SLC39A8: variants seen among roughly 807,000 people sequenced by gnomAD.
SLC39A8 encodes solute carrier family 39 member 8, also known as metal cation symporter ZIP8.
Under a neutral mutation model 40.4 loss-of-function variants are expected in SLC39A8, and 15 were observed. The observed-to-expected ratio is 0.37, with a 90% CI of 0.25 to 0.57. The LOEUF (loss-of-function observed/expected upper bound fraction) is 0.57. Ranked by LOEUF, SLC39A8 falls within the 20% of genes least tolerant of loss-of-function variation. The pLI, the probability that SLC39A8 is intolerant of heterozygous loss-of-function variation, is 0.75. For missense variants in SLC39A8, 472 were observed against 558.8 expected, an observed-to-expected ratio of 0.84 and a Z score of 1.57; for synonymous variants, 223 against 221.6, an observed-to-expected ratio of 1.01 and a Z score of -0.06.
chr4:102,301,528 T>C (rs1202286673), intron 6 of SLC39A8, among the ~76,000 whole-genome samples: 1 of 152,078 alleles, frequency 6.6e-6, no homozygotes, highest in Non-Finnish European at 1.5e-5. Context: ...TATGTTTCCA[T>C]TGAATAAACT....
chr4:102,311,174 A>G (rs888056837), intron 3 of SLC39A8, among the ~76,000 whole-genome samples: 1 of 152,092 alleles, frequency 6.6e-6, no homozygotes, highest in African/African-American at 2.4e-5. Flanking sequence ...CTGGCATCAT[A>G]GGTTGGTTCC....
intron 6 of SLC39A8, among the ~76,000 whole-genome samples, chr4:102,269,169 A>G (rs1732238259): frequency 6.6e-6 from 1 of 152,200 alleles, no homozygotes; most frequent in Non-Finnish European, 1.5e-5. Flanking sequence ...CATTAAAAAA[A>G]AAACATGCAA....
chr4:102,267,677 A>G lies in SLC39A8; in HGVS notation c.1049-3T>C. The G allele has an allele frequency of 6.5e-7, 1 of 1,530,552 alleles. No homozygotes were observed. Among genetic ancestry groups the G allele is most frequent in the Non-Finnish European group, 8.6e-7 (1 of 1,156,070 alleles). The allele number at this position is 1,530,552 out of a possible 1,614,324, so 94.8% of individuals were successfully genotyped here. A position where few individuals can be genotyped will look rare whatever the true frequency, so the allele number is the denominator to read the frequency against. ...ATTGAGTAGGATCACAAAGTCTCCT[A>G]GAAGAAGAAGAAGAAAATATCAAGT... is the stretch of plus-strand genomic sequence containing the variant. On this transcript the variant is annotated splice_polypyrimidine_tract_variant and splice_region_variant and intron_variant, in intron 7 of 8. Coordinates refer to ENST00000356736, the MANE Select transcript of SLC39A8 (RefSeq NM_001135146.2).
downstream of SLC39A8, among the ~76,000 whole-genome samples, chr4:102,257,247 C>T (rs539600235): frequency 2.0e-4 from 31 of 151,820 alleles, no homozygotes; most frequent in African/African-American, 7.2e-4. Context: ...CTCTGCCTCC[C>T]GGGTTCAATT....
chr4:102,277,463 C>T (rs1732672960), intron 6 of SLC39A8, among the ~76,000 whole-genome samples: 1 of 152,110 alleles, frequency 6.6e-6, no homozygotes, highest in South Asian at 2.1e-4. Context: ...AGGAGAACTA[C>T]AAACCACTGC....
At chr4:102,320,189 ATG>A (rs1222613802) in intron 2 of SLC39A8, among the ~76,000 whole-genome samples, 12 of 85,050 alleles carry the variant, frequency 1.4e-4, no homozygotes, top group Non-Finnish European at 1.6e-4. Flanking sequence ...ATATATATAT[ATG>A]TATATATATA....
At chr4:102,278,336 C>G (rs1732714924) in intron 6 of SLC39A8, among the ~76,000 whole-genome samples, 1 of 152,128 alleles carries the variant, frequency 6.6e-6, no homozygotes, top group Non-Finnish European at 1.5e-5. Context: ...AGAATATGAA[C>G]AGACACTTTT....
chr4:102,329,027 C>CAAA (rs35230164), intron 2 of SLC39A8, among the ~76,000 whole-genome samples: 2 of 95,544 alleles, frequency 2.1e-5, no homozygotes, highest in Non-Finnish European at 4.1e-5. Context: ...GACTGAATCT[C>CAAA]AAAAAAAAAA....
intron 2 of SLC39A8, among the ~76,000 whole-genome samples, chr4:102,326,366 C>A (rs1735202160): frequency 6.6e-6 from 1 of 152,132 alleles, no homozygotes; most frequent in African/African-American, 2.4e-5. Flanking sequence ...TCGAGACCAT[C>A]CTGGCTAACA....
exon 12 of SLC39A8, chr4:102,251,360 G>A (rs1731581518): frequency 6.6e-6 from 1 of 152,210 alleles, no homozygotes; most frequent in Non-Finnish European, 1.5e-5. Flanking sequence ...TTAGCAGCTG[G>A]GATGTCCAGG....
chr4:102,259,085 C>T (rs1731779200), downstream of SLC39A8, among the ~76,000 whole-genome samples: 1 of 152,220 alleles, frequency 6.6e-6, no homozygotes, highest in South Asian at 2.1e-4. Context: ...ACAGACACCA[C>T]CCGCAGTGTC....
At chr4:102,281,239 A>G (rs757614861) in intron 6 of SLC39A8, among the ~76,000 whole-genome samples, 9 of 152,224 alleles carry the variant, frequency 5.9e-5, no homozygotes, top group Non-Finnish European at 1.3e-4. Context: ...TGTAAGTTGG[A>G]GAAATCAGTT....
intron 6 of SLC39A8, among the ~76,000 whole-genome samples, chr4:102,303,625 T>C (rs1260373876): frequency 6.6e-6 from 1 of 151,820 alleles, no homozygotes; most frequent in African/African-American, 2.4e-5. Flanking sequence ...CCTAGGTTCT[T>C]GTTTTTCCTG....
At chr4:102,261,542 T>C (rs1731857249), downstream of SLC39A8, 1 of 324,650 alleles carries the variant, frequency 3.1e-6, no homozygotes, top group African/African-American at 2.2e-5. Flanking sequence ...AAATAAGCCA[T>C]GGCGGGGTTA....
intron 6 of SLC39A8, among the ~76,000 whole-genome samples, chr4:102,301,030 C>T (rs1226439240): frequency 6.6e-6 from 1 of 151,934 alleles, no homozygotes; most frequent in South Asian, 2.1e-4. Flanking sequence ...AAGAAATTAA[C>T]GTCAAAACTA....
chr4:102,263,035 C>T lies in SLC39A8; in HGVS notation c.*9G>A. 1.3e-6 allele frequency: 2 copies of T among 1,594,832 alleles called. No homozygotes were observed. Among genetic ancestry groups the T allele is most frequent in the Non-Finnish European group, 8.6e-7 (1 of 1,168,476 alleles). On this transcript the variant is annotated 3_prime_UTR_variant, in exon 9 of 9. Coordinates refer to ENST00000356736, the MANE Select transcript of SLC39A8 (RefSeq NM_001135146.2). ...TGCCTTTATTAACAACACCATCTTC[C>T]ATTTTCTATTACTCCAATTCGATTT...
intron 6 of SLC39A8, among the ~76,000 whole-genome samples, chr4:102,269,200 G>T (rs758349086): frequency 6.6e-6 from 1 of 151,992 alleles, no homozygotes; most frequent in Admixed American, 6.6e-5. Flanking sequence ...ACAGAGAGGG[G>T]CTTACTTCAG....
At chr4:102,326,357 C>G (rs549017178) in intron 2 of SLC39A8, among the ~76,000 whole-genome samples, 1 of 152,224 alleles carries the variant, frequency 6.6e-6, no homozygotes, top group East Asian at 1.9e-4. Flanking sequence ...GTCAGGAGAT[C>G]GAGACCATCC....
intron 6 of SLC39A8, among the ~76,000 whole-genome samples, chr4:102,284,937 G>A (rs924382252): frequency 1.8e-4 from 27 of 152,022 alleles, no homozygotes; most frequent in Admixed American, 1.4e-3. Context: ...ACCAGAGGCC[G>A]GAATGTCTTA....
Sources: allele counts gnomAD v4.1 joint callset (sites outside exome capture counted in the v4.1 genomes callset), GRCh38; gene constraint gnomAD v4.1.1; transcripts MANE v1.5; gene names NCBI Gene and HGNC (gene_info 2026-07-23, HGNC 2026-07-21).